Variants in TBC1D19 observed in about 807,000 individuals in gnomAD.
TBC1D19 encodes TBC1 domain family member 19.
A neutral mutation model predicts 89.0 loss-of-function variants in TBC1D19; 60 were observed. The ratio of observed to expected loss-of-function variants is 0.67; its 90% confidence interval spans 0.55 to 0.84. The LOEUF (loss-of-function observed/expected upper bound fraction) is 0.84. Among genes scored for constraint, TBC1D19 ranks in the 40% least tolerant of loss-of-function variants. TBC1D19 has a pLI of 0.00. For missense variants in TBC1D19, 500 were observed against 610.8 expected (o/e 0.82, Z 1.91); for synonymous variants, 189 against 199.7 (o/e 0.95, Z 0.45).
chr4:26,675,173 T>C (rs905860587), intron 11 of TBC1D19, among the ~76,000 whole-genome samples: 1 of 152,114 alleles, frequency 6.6e-6, no homozygotes, highest in African/African-American at 2.4e-5. Context: ...CTTGTCCTGA[T>C]CTAACTTTGT....
At chr4:26,580,991 T>C (rs952012636), upstream of TBC1D19, among the ~76,000 whole-genome samples, 12 of 152,190 alleles carry the variant, frequency 7.9e-5, no homozygotes, top group African/African-American at 2.9e-4. Context: ...GCCCTATACA[T>C]GTTGGCCCAG....
chr4:26,726,714 A>G (rs1346430016), intron 15 of TBC1D19, among the ~76,000 whole-genome samples: 1 of 152,240 alleles, frequency 6.6e-6, no homozygotes, highest in Non-Finnish European at 1.5e-5. Flanking sequence ...AATAAACTGT[A>G]CTAAGTAATA....
chr4:26,741,923 G>A (rs1294503858), intron 17 of TBC1D19, among the ~76,000 whole-genome samples: 1 of 152,166 alleles, frequency 6.6e-6, no homozygotes, highest in Non-Finnish European at 1.5e-5. Context: ...TAAAAAATAT[G>A]TGTATACTAA....
chr4:26,606,855 C>T (rs1293537770), intron 1 of TBC1D19, among the ~76,000 whole-genome samples: 1 of 152,114 alleles, frequency 6.6e-6, no homozygotes, highest in Non-Finnish European at 1.5e-5. Context: ...ACTTCCTATG[C>T]CCTCATTTGT....
chr4:26,592,819 C>A (rs999741009), intron 1 of TBC1D19, among the ~76,000 whole-genome samples: 1 of 152,182 alleles, frequency 6.6e-6, no homozygotes, highest in African/African-American at 2.4e-5. Context: ...CTACAAACCA[C>A]TGCTCAATGA....
At position 26,669,570 on chromosome 4, in the gene TBC1D19, T is replaced by C. The variant is rs146937515; in HGVS notation, c.665-2579T>C. On this transcript the variant is annotated intron_variant, in intron 9 of 20. Coordinates refer to ENST00000264866, the MANE Select transcript of TBC1D19 (RefSeq NM_018317.4). ...CTTATTCTTAGGACAGAAAATAGCA[T>C]TTAAAAAGCAAAATTATTGTATTTC... is the stretch of plus-strand genomic sequence containing the variant. Among the ~76,000 whole-genome samples the C allele has an allele frequency of 8.6e-5, 13 of 151,892 alleles. No individual in the cohort carries two copies. In the East Asian group the frequency reaches 2.5e-3, roughly 29 times the overall value.
At chr4:26,594,482 G>A (rs1472518723) in intron 1 of TBC1D19, among the ~76,000 whole-genome samples, 2 of 151,952 alleles carry the variant, frequency 1.3e-5, no homozygotes, top group African/African-American at 2.4e-5. Context: ...TGACTAGTGA[G>A]CCTTATCTCT....
In TBC1D19 at chr4:26,753,928, T is replaced by G. The variant is rs201720974; in HGVS notation, c.1506+38T>G. On this transcript the variant is annotated intron_variant, in intron 20 of 20. Transcript: ENST00000264866. ...TTCACTCAGATGGGATGGAAATAGT[T>G]TCTGAGAGATTGCCAGGCTGTCATT... The G allele has an allele frequency of 3.7e-6, 6 of 1,607,496 alleles. No homozygotes were observed. The Admixed American group carries it at 1.0e-4, about 27-fold the overall frequency.
chr4:26,734,803 A>G (rs986230375), intron 15 of TBC1D19, among the ~76,000 whole-genome samples: 1 of 152,040 alleles, frequency 6.6e-6, no homozygotes, highest in Non-Finnish European at 1.5e-5. Flanking sequence ...ACTTTCTGAG[A>G]CCATTATAAT....
chr4:26,635,159 G>T (rs1743046939), intron 4 of TBC1D19, among the ~76,000 whole-genome samples: 1 of 152,006 alleles, frequency 6.6e-6, no homozygotes, highest in African/African-American at 2.4e-5. Flanking sequence ...TTATTTTATT[G>T]TGATCATTTA....
At chr4:26,853,678 C>T in the TBC1D19 span, among the ~76,000 whole-genome samples, 2 of 152,112 alleles carry the variant, frequency 1.3e-5, no homozygotes, top group Admixed American at 6.5e-5. Flanking sequence ...GCTGGTATTA[C>T]AGGTGTGCAC....
chr4:26,656,676 A>G (rs1029070353), intron 7 of TBC1D19, among the ~76,000 whole-genome samples: 1 of 151,652 alleles, frequency 6.6e-6, no homozygotes, highest in South Asian at 2.1e-4. Flanking sequence ...CTCCTGCCTC[A>G]GCCTCCCGAG....
intron 13 of TBC1D19, among the ~76,000 whole-genome samples, chr4:26,705,133 G>A (rs956580389): frequency 1.3e-5 from 2 of 151,576 alleles, no homozygotes; most frequent in African/African-American, 4.8e-5. Context: ...TTTTGTTGTT[G>A]TTGTTGTTAT....
the TBC1D19 span, among the ~76,000 whole-genome samples, chr4:26,853,849 A>T: frequency 6.6e-6 from 1 of 152,192 alleles, no homozygotes; most frequent in African/African-American, 2.4e-5. Context: ...AACAACTTTT[A>T]AAATCTGATC....
chr4:26,640,289 C>A, intron 7 of TBC1D19, 102 bp downstream of exon 7: 2 of 933,324 alleles, frequency 2.1e-6, no homozygotes, highest in South Asian at 1.5e-5. Flanking sequence ...ATGTAAAAAG[C>A]CCCAGAGTCA....
intron 15 of TBC1D19, among the ~76,000 whole-genome samples, chr4:26,724,763 G>C (rs1045441788): frequency 3.3e-5 from 5 of 152,106 alleles, no homozygotes; most frequent in African/African-American, 1.2e-4. Context: ...TCAGAAGTGG[G>C]AGCCTAAGGT....
At chr4:26,772,104 A>C in the TBC1D19 span, among the ~76,000 whole-genome samples, 1 of 151,066 alleles carries the variant, frequency 6.6e-6, no homozygotes, top group South Asian at 2.1e-4. Context: ...AATTTGACAT[A>C]AGGTAGTTTT....
At chr4:26,659,028 A>G (rs1019908255) in intron 7 of TBC1D19, among the ~76,000 whole-genome samples, 1 of 152,180 alleles carries the variant, frequency 6.6e-6, no homozygotes, top group African/African-American at 2.4e-5. Context: ...TGTAATCTGC[A>G]AACAGACAAT....
intron 10 of TBC1D19, among the ~76,000 whole-genome samples, chr4:26,672,739 T>C (rs1006505503): frequency 2.0e-5 from 3 of 152,012 alleles, no homozygotes; most frequent in African/African-American, 7.2e-5. Context: ...AGATTGGTCT[T>C]TGTGTCAGAA....
Sources: gnomAD v4.1 joint callset for allele counts (sites outside exome capture counted in the v4.1 genomes callset) on GRCh38, gnomAD v4.1.1 for gene constraint, MANE v1.5 for transcripts, NCBI Gene and HGNC (gene_info 2026-07-23, HGNC 2026-07-21) for gene names.